Variants in NPAS3 observed in about 807,000 individuals in gnomAD.
The protein encoded by NPAS3 is neuronal PAS domain-containing protein 3.
Under a neutral mutation model 73.1 loss-of-function variants are expected in NPAS3, and 14 were observed. That is an observed-to-expected ratio of 0.19 (90% confidence interval 0.13 to 0.30). The LOEUF is 0.30. Among genes scored for constraint, NPAS3 ranks in the 10% least tolerant of loss-of-function variants. The pLI is 1.00. For missense variants in NPAS3, 1,096 were observed against 1,250.0 expected (o/e 0.88, Z 1.86); for synonymous variants, 620 against 541.5 (o/e 1.14, Z -2.01).
chr14:33,408,527 C>T (rs2047770066), intron 4 of NPAS3, among the ~76,000 whole-genome samples: 1 of 152,116 alleles, frequency 6.6e-6, no homozygotes, highest in African/African-American at 2.4e-5. Flanking sequence ...CATTGGCCAC[C>T]ATCCAAACAT....
chr14:33,481,197 G>A (rs1156822094), intron 4 of NPAS3, among the ~76,000 whole-genome samples: 1 of 152,148 alleles, frequency 6.6e-6, no homozygotes, highest in Non-Finnish European at 1.5e-5. Flanking sequence ...CTGCAGACTT[G>A]GTTCAAATCT....
chr14:33,623,681 TCTGTGAC>T (rs2058144193), intron 5 of NPAS3, among the ~76,000 whole-genome samples: 1 of 152,204 alleles, frequency 6.6e-6, no homozygotes, highest in African/African-American at 2.4e-5. Flanking sequence ...CTATAAGCCC[TCTGTGAC>T]CTGCCAAGGC....
chr14:33,743,117 G>A (rs770482030), intron 7 of NPAS3, among the ~76,000 whole-genome samples: 17 of 152,248 alleles, frequency 1.1e-4, no homozygotes, highest in Non-Finnish European at 2.1e-4. Flanking sequence ...AATCACAAAT[G>A]TTCTTAATGG....
chr14:33,582,702 T>C (rs2056713298), intron 5 of NPAS3, among the ~76,000 whole-genome samples: 1 of 152,162 alleles, frequency 6.6e-6, no homozygotes, highest in African/African-American at 2.4e-5. Flanking sequence ...AAATGCAAAG[T>C]TCATAGCGGA....
chr14:33,198,020 C>A (rs1183396561), intron 2 of NPAS3, among the ~76,000 whole-genome samples: 1 of 151,220 alleles, frequency 6.6e-6, no homozygotes, highest in African/African-American at 2.4e-5. Context: ...CAGACCTTCA[C>A]GGTGAGTATT....
intron 9 of NPAS3, among the ~76,000 whole-genome samples, chr14:33,783,770 A>G (rs1221018043): frequency 6.6e-6 from 1 of 152,066 alleles, no homozygotes; most frequent in Admixed American, 6.6e-5. Context: ...CCCCCTGGGA[A>G]CTCAGAGACG....
At chr14:33,024,907 A>G (rs184951016) in intron 1 of NPAS3, among the ~76,000 whole-genome samples, 6 of 152,332 alleles carry the variant, frequency 3.9e-5, no homozygotes, top group Admixed American at 6.5e-5. Flanking sequence ...TACCCATGTA[A>G]TGTTTTTAAA....
intron 3 of NPAS3, among the ~76,000 whole-genome samples, chr14:33,308,195 G>T (rs1387138737): frequency 6.6e-6 from 1 of 152,040 alleles, no homozygotes; most frequent in Admixed American, 6.6e-5. Flanking sequence ...TTACAGGAAA[G>T]GTCAGGGAAA....
intron 1 of NPAS3, among the ~76,000 whole-genome samples, chr14:33,054,167 G>A (rs1336243806): frequency 6.6e-6 from 1 of 151,874 alleles, no homozygotes; most frequent in East Asian, 1.9e-4. Context: ...TTTAAACCTG[G>A]GCTTCATTTC....
exon 5 of NPAS3, chr14:33,560,178 G>A (rs2055573037): frequency 2.3e-6 from 2 of 869,980 alleles, no homozygotes; most frequent in Non-Finnish European, 4.0e-6. Context: ...GTACATTTCC[G>A]AAACAGTCTC....
At chr14:33,125,565 A>T (rs1306181280) in intron 2 of NPAS3, among the ~76,000 whole-genome samples, 1 of 152,156 alleles carries the variant, frequency 6.6e-6, no homozygotes, top group African/African-American at 2.4e-5. Context: ...TCTGAACTTT[A>T]TCGAGAACTG....
intron 2 of NPAS3, among the ~76,000 whole-genome samples, chr14:33,174,361 C>G (rs1296045442): frequency 6.6e-6 from 1 of 152,196 alleles, no homozygotes; most frequent in Non-Finnish European, 1.5e-5. Context: ...GTACGGTTAT[C>G]ACTGTGGTAG....
In NPAS3 at chr14:33,197,267, G is replaced by GTGTGTGTGTGT. The variant is rs1555353807; in HGVS notation, c.141-17914_141-17913insGTGTGTGTGTT. Among the ~76,000 whole-genome samples, 12 of 148,832 alleles carry GTGTGTGTGTGT rather than the reference G, an allele frequency of 8.1e-5. No homozygotes were observed. The South Asian group carries it at 1.7e-3, about 21-fold the overall frequency. ...TGTGTGTGTGTGTGTGTGTGTGTGT[G>GTGTGTGTGTGT]TTCTTTTTCAATTGAGATCCACTGT... is the stretch of plus-strand genomic sequence containing the variant. On this transcript the variant is annotated intron_variant, in intron 2 of 11. Coordinates refer to ENST00000356141, the Ensembl canonical transcript of NPAS3.
At chr14:33,782,559 A>G (rs1443232735) in intron 9 of NPAS3, among the ~76,000 whole-genome samples, 1 of 152,180 alleles carries the variant, frequency 6.6e-6, no homozygotes, top group African/African-American at 2.4e-5. Flanking sequence ...AACCTTAAAG[A>G]GTGGCCTAGG....
chr14:33,630,851 A>G (rs2058358478), intron 5 of NPAS3, among the ~76,000 whole-genome samples: 1 of 152,254 alleles, frequency 6.6e-6, no homozygotes, highest in South Asian at 2.1e-4. Flanking sequence ...CAAAGCAGAG[A>G]TCAGCTCTAC....
intron 4 of NPAS3, among the ~76,000 whole-genome samples, chr14:33,427,642 C>T (rs530723327): frequency 9.2e-5 from 14 of 151,846 alleles, no homozygotes; most frequent in African/African-American, 3.1e-4. Context: ...ACAGTGATTA[C>T]AAGAGAGAAG....
intron 1 of NPAS3, among the ~76,000 whole-genome samples, chr14:33,028,151 C>T (rs972936373): frequency 7.2e-5 from 11 of 152,266 alleles, no homozygotes; most frequent in African/African-American, 2.4e-4. Flanking sequence ...CTTAGTTACT[C>T]TCTGACTTTG....
At chr14:33,656,209 A>G (rs981084720) in intron 5 of NPAS3, among the ~76,000 whole-genome samples, 71 of 152,330 alleles carry the variant, frequency 4.7e-4, no homozygotes, top group Admixed American at 1.4e-3. Context: ...GATTGGCACA[A>G]TTAAGTACTG....
At chr14:33,653,267 T>A (rs1372622284) in intron 5 of NPAS3, among the ~76,000 whole-genome samples, 1 of 152,230 alleles carries the variant, frequency 6.6e-6, no homozygotes, top group Non-Finnish European at 1.5e-5. Flanking sequence ...AGCTGACTCT[T>A]GGGTTGTCAG....
Sources: allele counts gnomAD v4.1 joint callset (sites outside exome capture counted in the v4.1 genomes callset), GRCh38; gene constraint gnomAD v4.1.1; transcripts MANE v1.5; gene names NCBI Gene and HGNC (gene_info 2026-07-23, HGNC 2026-07-21).